Variants in GNB5 observed in about 807,000 individuals in gnomAD.
GNB5 encodes the protein guanine nucleotide-binding protein subunit beta-5.
A neutral mutation model predicts 55.3 loss-of-function variants in GNB5; 37 were observed. The ratio of observed to expected loss-of-function variants is 0.67; its 90% CI spans 0.51 to 0.88. GNB5 has a LOEUF of 0.88. Ranked by LOEUF, GNB5 falls within the 40% of genes least tolerant of loss-of-function variation. The pLI is 0.00. For missense variants in GNB5, 476 were observed against 515.3 expected, an observed-to-expected ratio of 0.92 and a Z score of 0.74; for synonymous variants, 219 against 198.5, an observed-to-expected ratio of 1.10 and a Z score of -0.87.
intron 10 of GNB5, 142 bp downstream of exon 10, chr15:52,128,054 A>T: frequency 1.8e-6 from 1 of 552,556 alleles, no homozygotes; most frequent in East Asian, 3.0e-5. Context: ...GGGTAAGGAG[A>T]TCAAGGTAAT....
intron 2 of GNB5, among the ~76,000 whole-genome samples, chr15:52,181,726 C>T (rs1304012421): frequency 6.6e-6 from 1 of 152,192 alleles, no homozygotes; most frequent in Non-Finnish European, 1.5e-5. Context: ...GTTCTCTTTT[C>T]CGTTCCCATC....
rs111252278 is a variant in GNB5 at position 52,158,119 on chromosome 15, C to T, written c.239-4043G>A. Among the ~76,000 whole-genome samples the T allele has an allele frequency of 2.6e-4, 39 of 152,120 alleles. 1 individual carries two copies. The highest frequency in any genetic ancestry group is 8.7e-4 in the African/African-American group (36 of 41,466). On this transcript the variant is annotated intron_variant, in intron 3 of 12. Coordinates refer to ENST00000261837, the MANE Select transcript of GNB5 (RefSeq NM_016194.4). ...AGAAATTCCACTAGCTCTAGGAAGA[C>T]AGGAGTGCTGTCTTGTTTGATCTTC...
chr15:52,189,811 C>T (rs914291083), intron 1 of GNB5, among the ~76,000 whole-genome samples: 1 of 152,054 alleles, frequency 6.6e-6, no homozygotes, highest in African/African-American at 2.4e-5. Context: ...AGAAGCCAGA[C>T]ACAAAAGGCC....
Position 52,116,834 on chromosome 15 carries a change from T to C in GNB5, c.*5923A>G, listed in dbSNP as rs2033149017. The C allele has an allele frequency of 6.6e-6, 1 of 152,098 alleles. No individual in the cohort carries two copies. The highest frequency in any genetic ancestry group is 2.4e-5 in the African/African-American group (1 of 41,422). The allele number at this position is 152,098 out of a possible 1,614,324, so 9.4% of individuals were successfully genotyped here. On this transcript the variant is annotated 3_prime_UTR_variant, in exon 13 of 13. Coordinates refer to ENST00000261837, the MANE Select transcript of GNB5 (RefSeq NM_016194.4). ...CAACCTCGGACTGGTGTGACCTTTG[T>C]TATTGATATTTGTAGCCAAGGATAA...
chr15:52,185,004 A>G lies in GNB5; in HGVS notation c.-18-310T>C, dbSNP rs144582824. On this transcript the variant is annotated intron_variant, in intron 1 of 12. Transcript: ENST00000261837. ...CAATATCAATTCTGTGGGGTTTCAC[A>G]ATGGAAAACGTTTTTGTAATGGATG... Among the ~76,000 whole-genome samples the G allele has an allele frequency of 2.9e-3, 445 of 152,360 alleles. 1 individual carries two copies. Among genetic ancestry groups the G allele is most frequent in the African/African-American group, 0.01 (425 of 41,582 alleles).
rs2033262766 is a variant in GNB5, at chr15:52,121,405, T to C, written c.*1352A>G. 1.3e-5 allele frequency: 2 copies of C among 151,990 alleles called. No individual in the cohort carries two copies. The highest frequency in any genetic ancestry group is 2.9e-5 in the Non-Finnish European group (2 of 67,986). The allele number at this position is 151,990 out of a possible 1,614,324, so 9.4% of individuals were successfully genotyped here. The stretch of plus-strand genomic sequence containing the variant: ...CTAAAGCAAAGAATAAGCATCTACA[T>C]CTTACAAAAAAACAAAAAAAGGAAA... On this transcript the variant is annotated 3_prime_UTR_variant, in exon 13 of 13. Coordinates refer to ENST00000261837, the MANE Select transcript of GNB5 (RefSeq NM_016194.4).
intron 6 of GNB5, 69 bp downstream of exon 6, chr15:52,147,390 G>T: frequency 1.1e-6 from 1 of 890,624 alleles, no homozygotes; most frequent in Non-Finnish European, 1.9e-6. Flanking sequence ...TTGTTTGTTT[G>T]TTTTTGCCAA....
chr15:52,158,983 G>A (rs2034273923), intron 3 of GNB5, among the ~76,000 whole-genome samples: 1 of 152,170 alleles, frequency 6.6e-6, no homozygotes, highest in South Asian at 2.1e-4. Flanking sequence ...TGGGTCTTTT[G>A]GGGTGGTATC....
At chr15:52,135,456 C>T (rs544229184) in intron 8 of GNB5, among the ~76,000 whole-genome samples, 157 bp downstream of exon 8, 4 of 152,214 alleles carry the variant, frequency 2.6e-5, no homozygotes, top group African/African-American at 9.6e-5. Flanking sequence ...CCAGTGCGGT[C>T]ACTGCAGGAG....
At chr15:52,177,040 T>TTTTA (rs2034664268) in intron 3 of GNB5, among the ~76,000 whole-genome samples, 1 of 143,758 alleles carries the variant, frequency 7.0e-6, no homozygotes, top group Non-Finnish European at 1.5e-5. Flanking sequence ...TTTTTTTTTT[T>TTTTA]TTTTTTTTTT....
At chr15:52,159,097 T>C (rs2034277378) in intron 3 of GNB5, among the ~76,000 whole-genome samples, 1 of 152,150 alleles carries the variant, frequency 6.6e-6, no homozygotes, top group African/African-American at 2.4e-5. Flanking sequence ...ACAATAATAC[T>C]GATGTAAAAT....
rs989718971 is a variant in GNB5, at chr15:52,122,027, T to C, written c.*730A>G. On this transcript the variant is annotated 3_prime_UTR_variant, in exon 13 of 13. Coordinates refer to ENST00000261837, the MANE Select transcript of GNB5 (RefSeq NM_016194.4). ...TTCTTTGCTCTCAGAAGCATTTGTTTACAAACACCATTGGCTTTCCCTTCA... is the reference window on the plus strand; with the variant it reads ...TTCTTTGCTCTCAGAAGCATTTGTTCACAAACACCATTGGCTTTCCCTTCA... The C allele has an allele frequency of 6.6e-6, 1 of 152,204 alleles. No individual in the cohort carries two copies. The highest frequency in any genetic ancestry group is 2.4e-5 in the African/African-American group (1 of 41,450). The allele number at this position is 152,204 out of a possible 1,614,324, so 9.4% of individuals were successfully genotyped here.
At chr15:52,125,853 C>T in intron 11 of GNB5, 95 bp downstream of exon 11, 1 of 658,000 alleles carries the variant, frequency 1.5e-6, no homozygotes, top group Non-Finnish European at 2.8e-6. Context: ...ACAGGAAGCT[C>T]AGTTGATGAA....
chr15:52,184,913 T>G (rs2034823002), intron 1 of GNB5, among the ~76,000 whole-genome samples: 1 of 152,260 alleles, frequency 6.6e-6, no homozygotes. Context: ...TTTCTGAACT[T>G]AACACGTTTA....
chr15:52,136,954 G>C (rs1316893653), intron 7 of GNB5: 1 of 452,638 alleles, frequency 2.2e-6, no homozygotes, highest in African/African-American at 2.0e-5. Flanking sequence ...TGGGAGAAAA[G>C]ACTGTGAATC....
At chr15:52,168,566 C>T (rs1040367906) in intron 3 of GNB5, among the ~76,000 whole-genome samples, 1 of 152,032 alleles carries the variant, frequency 6.6e-6, no homozygotes, top group Non-Finnish European at 1.5e-5. Context: ...AGATTCAATG[C>T]GATTCCCATT....
chr15:52,168,151 G>C (rs1352704930), intron 3 of GNB5, among the ~76,000 whole-genome samples: 1 of 152,128 alleles, frequency 6.6e-6, no homozygotes, highest in East Asian at 1.9e-4. Context: ...TTCTGGCCAG[G>C]GCAATCAGGC....
At position 52,149,942 on chromosome 15, in the gene GNB5, A is replaced by G. The variant is rs763656727; in HGVS notation, c.376-17T>C. Reference sequence around the variant, plus strand: ...CTTCCCATCCTGGAGGGAGAAGAGCAAACAGTTTAGGGGTTGTCAAGTTCT... The same window carrying G: ...CTTCCCATCCTGGAGGGAGAAGAGCGAACAGTTTAGGGGTTGTCAAGTTCT... On this transcript the variant is annotated splice_polypyrimidine_tract_variant and intron_variant, in intron 4 of 12. Coordinates refer to ENST00000261837, the MANE Select transcript of GNB5 (RefSeq NM_016194.4). The G allele has an allele frequency of 6.2e-7, 1 of 1,602,504 alleles. No homozygotes were observed. Among genetic ancestry groups the G allele is most frequent in the South Asian group, 1.1e-5 (1 of 90,750 alleles).
chr15:52,165,132 C>T (rs1189052036), intron 3 of GNB5, among the ~76,000 whole-genome samples: 1 of 151,930 alleles, frequency 6.6e-6, no homozygotes, highest in Non-Finnish European at 1.5e-5. Flanking sequence ...GACTATCTTT[C>T]TAAAATAAGG....
Sources: allele counts gnomAD v4.1 joint callset (sites outside exome capture counted in the v4.1 genomes callset), GRCh38; gene constraint gnomAD v4.1.1; transcripts MANE v1.5; gene names NCBI Gene and HGNC (gene_info 2026-07-23, HGNC 2026-07-21).